NPNT: variants seen among roughly 807,000 people sequenced by gnomAD.
NPNT encodes nephronectin, also known as preosteoblast EGF-like repeat protein with MAM domain.
In NPNT, 45 loss-of-function variants were observed where a neutral mutation model predicts 68.6. That is an observed-to-expected ratio of 0.66 (90% CI 0.52 to 0.84). NPNT has a LOEUF of 0.84. Among genes scored for constraint, NPNT ranks in the 40% least tolerant of loss-of-function variants. The probability of loss-of-function intolerance (pLI) is 0.00; values close to 1 mark genes in which losing one functional copy is unlikely to be tolerated. For synonymous variants in NPNT, 233 were observed against 253.3 expected (o/e 0.92, Z 0.76); for missense variants, 672 against 714.8 (o/e 0.94, Z 0.68).
At position 105,907,438 on chromosome 4, in the gene NPNT, C is replaced by T. The variant is rs192408956; in HGVS notation, c.172+9437C>T. On this transcript the variant is annotated intron_variant, in intron 2 of 11. Coordinates refer to ENST00000379987, the MANE Select transcript of NPNT (RefSeq NM_001033047.3). ...CAAACGCCTTTTCTGCAGAGACTAG[C>T]GTGAACCAAGAATCTCCCTGTCTGA... Among the ~76,000 whole-genome samples the T allele has an allele frequency of 3.3e-4, 50 of 152,274 alleles. 1 individual carries two copies. The highest frequency in any genetic ancestry group is 2.6e-3 in the Admixed American group (40 of 15,290).
intron 2 of NPNT, among the ~76,000 whole-genome samples, chr4:105,920,727 G>T (rs1314718076): frequency 6.6e-6 from 1 of 152,066 alleles, no homozygotes; most frequent in Non-Finnish European, 1.5e-5. Flanking sequence ...AAATGTGTCT[G>T]AATTGGATGT....
At chr4:105,968,740 G>C (rs1732363062) in intron 11 of NPNT, among the ~76,000 whole-genome samples, 155 bp from the exon 12 acceptor site, 1 of 152,198 alleles carries the variant, frequency 6.6e-6, no homozygotes, top group African/African-American at 2.4e-5. Flanking sequence ...TGAAAGAGAA[G>C]CTTCAGTGAT....
chr4:105,936,558 A>C (rs1388053424), intron 3 of NPNT, among the ~76,000 whole-genome samples: 1 of 152,248 alleles, frequency 6.6e-6, no homozygotes, highest in Non-Finnish European at 1.5e-5. Context: ...ATTTAAAGTA[A>C]AATATTCTCA....
chr4:105,931,587 G>A (rs1263592997), intron 3 of NPNT, among the ~76,000 whole-genome samples: 1 of 150,816 alleles, frequency 6.6e-6, no homozygotes, highest in African/African-American at 2.4e-5. Flanking sequence ...CACTTTGGAA[G>A]GCCGAGGCGG....
rs1480722061 is a variant in NPNT, at chr4:105,938,376, C to T, written c.461C>T (p.Pro154Leu). The change falls in exon 5 of 12, where the codon CCA becomes CTA. Residue 154 changes from proline (P) to leucine (L), a missense_variant. Physicochemically the swap from Pro to Leu is moderately conservative, Grantham distance 98. Transcript: ENST00000379987. ...VVKGQIRCQC[P>L]SPGLQLAPDG... The stretch of plus-strand genomic sequence containing the variant: ...AAAGGACAAATACGGTGCCAGTGCC[C>T]ATCCCCTGGCCTGCAGCTGGCTCCT... The T allele has an allele frequency of 6.2e-7, 1 of 1,613,252 alleles. No homozygotes were observed. The highest frequency in any genetic ancestry group is 8.5e-7 in the Non-Finnish European group (1 of 1,179,478).
At position 105,942,464 on chromosome 4, in the gene NPNT, C is replaced by T. The variant is rs1730055742; in HGVS notation, c.921C>T (p.Thr307=). Reference sequence around the variant, plus strand: ...CACCATATATTCCTCCTATCATTACCAACAGGCCTACTTCTAAGCCAACAA... The same window carrying T: ...CACCATATATTCCTCCTATCATTACTAACAGGCCTACTTCTAAGCCAACAA... ...PKTPYIPPII[T]NRPTSKPTTR... is the part of the protein sequence containing the mutation. Residue 307 remains threonine (T), a synonymous_variant, in exon 8 of 12, where the codon ACC becomes ACT. Transcript: ENST00000379987. 1 of 1,613,846 alleles carries T rather than the reference C, an allele frequency of 6.2e-7. No individual in the cohort carries two copies. The highest frequency in any genetic ancestry group is 1.3e-5 in the African/African-American group (1 of 74,952).
In NPNT at chr4:105,927,355, C is replaced by A; in HGVS notation, c.192C>A (p.Cys64Ter). Residue 64 changes from cysteine (C) to a stop codon, truncating the protein, a stop_gained, in exon 3 of 12, where the codon TGC becomes TGA. Transcript: ENST00000379987. LOFTEE classifies it high-confidence loss of function. ...TCACAGCTGTGTGCCAACCACGATG[C>A]AAACATGGTGAATGTATCGGGCCAA... ...GQCQPVCQPRCKHGECIGPNK... is the reference protein window; with the variant it reads ...GQCQPVCQPR 1 of 1,611,978 alleles carries A rather than the reference C, an allele frequency of 6.2e-7. No individual in the cohort carries two copies. Among genetic ancestry groups the A allele is most frequent in the Non-Finnish European group, 8.5e-7 (1 of 1,178,592 alleles).
chr4:105,923,431 A>G (rs1183925537), intron 2 of NPNT, among the ~76,000 whole-genome samples: 1 of 152,190 alleles, frequency 6.6e-6, no homozygotes, highest in African/African-American at 2.4e-5. Flanking sequence ...TTGTATCAAA[A>G]GGAAACCTTT....
intron 5 of NPNT, among the ~76,000 whole-genome samples, chr4:105,939,479 C>G (rs1201707160): frequency 1.3e-5 from 2 of 152,024 alleles, no homozygotes; most frequent in East Asian, 3.9e-4. Flanking sequence ...TTCAAGGACA[C>G]AGGGGAGGAA....
intron 8 of NPNT, among the ~76,000 whole-genome samples, 175 bp downstream of exon 8, chr4:105,942,877 A>G (rs1252400479): frequency 6.6e-6 from 1 of 152,260 alleles, no homozygotes; most frequent in Non-Finnish European, 1.5e-5. Flanking sequence ...TAATTGGGCA[A>G]GTAAGAAAGA....
Position 105,940,531 on chromosome 4 carries a change from C to T in NPNT, c.658C>T (p.Leu220Phe). 6.2e-7 allele frequency: 1 copy of T among 1,613,040 alleles called. No homozygotes were observed. The highest frequency in any genetic ancestry group is 8.5e-7 in the Non-Finnish European group (1 of 1,179,168). ...TGATGCAGACATAGACGAATGCTCA[C>T]TTGGTCAGTATCAGTGCAGCAGCTT... ...YQCHDIDECS[L>F]GQYQCSSFAR... is the part of the protein sequence containing the mutation. Residue 220 changes from leucine to phenylalanine, a missense_variant, in exon 7 of 12, where the codon CTT (leucine) becomes TTT (phenylalanine). Physicochemically the swap from Leu to Phe is conservative, Grantham distance 22. Coordinates refer to ENST00000379987, the MANE Select transcript of NPNT (RefSeq NM_001033047.3).
chr4:105,958,213 C>T (rs183561801), intron 8 of NPNT, among the ~76,000 whole-genome samples: 1 of 152,194 alleles, frequency 6.6e-6, no homozygotes, highest in East Asian at 1.9e-4. Context: ...CAGATAAAGA[C>T]TTTTTAAGTT....
chr4:105,958,805 C>T (rs1731448803), intron 9 of NPNT: 1 of 546,146 alleles, frequency 1.8e-6, no homozygotes, highest in East Asian at 2.9e-5. Context: ...GATGATGTAA[C>T]ATTGTTATAA....
chr4:105,940,311 TG>T, intron 6 of NPNT, 102 bp downstream of exon 6: 1 of 1,242,270 alleles, frequency 8.0e-7, no homozygotes, highest in Admixed American at 1.8e-5. Context: ...GGGAGAGTAC[TG>T]GCGTTAAGTT....
Position 105,971,151 on chromosome 4 carries a change from C to T in NPNT, c.*2161C>T, listed in dbSNP as rs62320060. 0.018 allele frequency: 8,103 copies of T among 454,590 alleles called. 122 individuals are homozygous for T. Among genetic ancestry groups the T allele is most frequent in the South Asian group, 0.039 (2,478 of 64,342 alleles). The allele number at this position is 454,590 out of a possible 1,614,324, so 28.2% of individuals were successfully genotyped here. A position where few individuals can be genotyped will look rare whatever the true frequency, so the allele number is the denominator to read the frequency against. On this transcript the variant is annotated 3_prime_UTR_variant, in exon 12 of 12. Transcript: ENST00000379987. ...GAACACAGTTCAGAGAGATTTTCAT[C>T]GGGTGCATTCTCTCTGCTTCGTGTG...
Position 105,958,903 on chromosome 4 carries a change from A to G in NPNT, c.1247-125A>G, listed in dbSNP as rs989751093. 2.5e-5 allele frequency: 16 copies of G among 642,782 alleles called. No individual in the cohort carries two copies. The Admixed American group carries it at 4.3e-4, about 17-fold the overall frequency. The allele number at this position is 642,782 out of a possible 1,614,324, so 39.8% of individuals were successfully genotyped here. A position where few individuals can be genotyped will look rare whatever the true frequency, so the allele number is the denominator to read the frequency against. On this transcript the variant is annotated intron_variant, in intron 9 of 11. Coordinates refer to ENST00000379987, the MANE Select transcript of NPNT (RefSeq NM_001033047.3). ...ATGTAATTTCCCTTTGGTCTTATGG[A>G]AAGAAGCTCTGGTTATATGGATAGG...
At chr4:105,939,749 T>G (rs530355162) in intron 5 of NPNT, among the ~76,000 whole-genome samples, 1 of 152,268 alleles carries the variant, frequency 6.6e-6, no homozygotes, top group Non-Finnish European at 1.5e-5. Context: ...TAGAATTAAC[T>G]GGACTTGATG....
intron 10 of NPNT, among the ~76,000 whole-genome samples, chr4:105,962,044 G>A (rs1731760735): frequency 6.6e-6 from 1 of 152,128 alleles, no homozygotes; most frequent in Non-Finnish European, 1.5e-5. Flanking sequence ...GGGAAGACCT[G>A]ACATATCACT....
rs1732545104 is a variant in NPNT at position 105,971,244 on chromosome 4, A to C, written c.*2254A>C. On this transcript the variant is annotated 3_prime_UTR_variant, in exon 12 of 12. Transcript: ENST00000379987. ...CACCGGCAGACCTTTCCTTCACCTC[A>C]TCAGTATGATTCAGTTTCTCTTATC... The C allele has an allele frequency of 2.3e-6, 1 of 435,176 alleles. No homozygotes were observed. The highest frequency in any genetic ancestry group is 2.0e-5 in the African/African-American group (1 of 49,204). 27.0% of individuals were successfully genotyped at this position (435,176 alleles called of 1,614,324 possible).
Sources: gnomAD v4.1 joint callset for allele counts (sites outside exome capture counted in the v4.1 genomes callset) on GRCh38, gnomAD v4.1.1 for gene constraint, MANE v1.5 for transcripts, NCBI Gene and HGNC (gene_info 2026-07-23, HGNC 2026-07-21) for gene names.